The following SLIT3 variants were observed in gnomAD, a reference collection of about 807,000 sequenced individuals.
The protein encoded by SLIT3 is slit guidance ligand 3.
Under a neutral mutation model 184.0 loss-of-function variants are expected in SLIT3, and 68 were observed. The observed-to-expected ratio is 0.37, with a 90% confidence interval of 0.30 to 0.45. The LOEUF (loss-of-function observed/expected upper bound fraction) is 0.45, where lower values mean the gene tolerates loss of function less well. Ranked by LOEUF, SLIT3 falls within the 20% of genes least tolerant of loss-of-function variation. The probability of loss-of-function intolerance (pLI) is 1.00; values close to 1 mark genes in which losing one functional copy is unlikely to be tolerated. For missense variants in SLIT3, 1,707 were observed against 2,026.0 expected, an observed-to-expected ratio of 0.84 and a Z score of 3.02; for synonymous variants, 831 against 828.6, an observed-to-expected ratio of 1.00 and a Z score of -0.05.
At position 168,672,305 on chromosome 5, in the gene SLIT3, T is replaced by G. The variant is rs373823247; in HGVS notation, c.3842-822A>C. On this transcript the variant is annotated intron_variant, in intron 33 of 35. Transcript: ENST00000519560. Reference sequence around the variant, plus strand: ...TCTGAACCACCCATTAACAACACCCTCTTCTGGGCCCGTGCTAGTCTCTGC... The same window carrying G: ...TCTGAACCACCCATTAACAACACCCGCTTCTGGGCCCGTGCTAGTCTCTGC... 2.6e-5 allele frequency among the ~76,000 whole-genome samples: 4 copies of G among 152,056 alleles called. No individual in the cohort carries two copies. In the South Asian group the frequency reaches 6.2e-4, roughly 24 times the overall value.
intron 4 of SLIT3, among the ~76,000 whole-genome samples, chr5:168,994,505 C>T (rs376000361): frequency 1.3e-5 from 2 of 152,162 alleles, no homozygotes; most frequent in Admixed American, 6.5e-5. Flanking sequence ...GTTTTCACAC[C>T]CACATAAATC....
At chr5:168,814,825 C>T (rs1757279524) in intron 8 of SLIT3, among the ~76,000 whole-genome samples, 1 of 152,238 alleles carries the variant, frequency 6.6e-6, no homozygotes, top group African/African-American at 2.4e-5. Flanking sequence ...GTTCCACATG[C>T]ACCTGACTCA....
intron 1 of SLIT3, among the ~76,000 whole-genome samples, chr5:169,270,685 A>G (rs1347414640): frequency 6.6e-6 from 1 of 152,158 alleles, no homozygotes; most frequent in African/African-American, 2.4e-5. Flanking sequence ...CGAAAACAAG[A>G]AAGCGGCAGT....
At chr5:168,981,162 T>A (rs1465085525) in intron 4 of SLIT3, among the ~76,000 whole-genome samples, 1 of 152,238 alleles carries the variant, frequency 6.6e-6, no homozygotes, top group Non-Finnish European at 1.5e-5. Context: ...TGTCATTATG[T>A]GCGCAATGCT....
chr5:169,111,467 C>G (rs1760405985), intron 4 of SLIT3, among the ~76,000 whole-genome samples: 1 of 152,182 alleles, frequency 6.6e-6, no homozygotes, highest in South Asian at 2.1e-4. Flanking sequence ...AGACTTTACT[C>G]ATGGCTAGGC....
At chr5:169,226,871 C>T (rs930322872) in intron 3 of SLIT3, among the ~76,000 whole-genome samples, 2 of 152,154 alleles carry the variant, frequency 1.3e-5, no homozygotes, top group Non-Finnish European at 2.9e-5. Flanking sequence ...ATGTGGGACA[C>T]TGGAGGCGGG....
At chr5:169,092,141 T>G (rs1382825597) in intron 4 of SLIT3, among the ~76,000 whole-genome samples, 3 of 152,140 alleles carry the variant, frequency 2.0e-5, no homozygotes, top group Non-Finnish European at 4.4e-5. Context: ...GAGAATCGTT[T>G]AAACCCGAGA....
chr5:168,830,516 G>T lies in SLIT3; in HGVS notation c.558-7185C>A, dbSNP rs147104143. On this transcript the variant is annotated intron_variant, in intron 6 of 35. Transcript: ENST00000519560. ...CCTCTAATGAGCTAGACTAGTCAAG[G>T]ATATCGCTTTGAAGCTTGCCAAAAT... is the stretch of plus-strand genomic sequence containing the variant. Among the ~76,000 whole-genome samples the T allele has an allele frequency of 3.4e-3, 521 of 152,302 alleles. 1 individual carries two copies. Among genetic ancestry groups the T allele is most frequent in the African/African-American group, 0.012 (509 of 41,564 alleles).
chr5:169,293,798 G>GT (rs759322552), intron 1 of SLIT3, among the ~76,000 whole-genome samples: 1 of 152,124 alleles, frequency 6.6e-6, no homozygotes, highest in Admixed American at 6.5e-5. Flanking sequence ...ATCAAACATG[G>GT]TACTGACAAC....
At chr5:169,091,819 T>A (rs1026839976) in intron 4 of SLIT3, among the ~76,000 whole-genome samples, 2 of 152,192 alleles carry the variant, frequency 1.3e-5, no homozygotes, top group Non-Finnish European at 2.9e-5. Flanking sequence ...ACATATTTAG[T>A]CTGCTCACAG....
At chr5:169,179,851 C>A (rs776006647) in intron 4 of SLIT3, among the ~76,000 whole-genome samples, 1 of 152,120 alleles carries the variant, frequency 6.6e-6, no homozygotes, top group Non-Finnish European at 1.5e-5. Flanking sequence ...CTCATTTGCT[C>A]ATTTCCAGAG....
At chr5:169,239,052 C>T (rs953191600) in intron 3 of SLIT3, among the ~76,000 whole-genome samples, 1 of 152,122 alleles carries the variant, frequency 6.6e-6, no homozygotes, top group Non-Finnish European at 1.5e-5. Flanking sequence ...ACTGGGGATT[C>T]ACTGAATTAC....
intron 16 of SLIT3, among the ~76,000 whole-genome samples, chr5:168,754,593 A>G (rs138413425): frequency 1.6e-4 from 24 of 152,328 alleles, no homozygotes; most frequent in African/African-American, 5.5e-4. Context: ...GTTAACAACA[A>G]TATGTATTTC....
At position 168,726,524 on chromosome 5, in the gene SLIT3, G is replaced by GGGAGAGGT. The variant is rs1227310746; in HGVS notation, c.2271-2041_2271-2040insACCTCTCC. On this transcript the variant is annotated intron_variant, in intron 20 of 35. Transcript: ENST00000519560. ...AGGCAGGGAGGGAGAGGGAGGCAGG[G>GGGAGAGGT]AGGGAGGGAGGGAGGGGAGGGAGGG... is the stretch of plus-strand genomic sequence containing the variant. 2.8e-3 allele frequency among the ~76,000 whole-genome samples: 4 copies of GGGAGAGGT among 1,418 alleles called. 1 individual carries two copies. The highest frequency in any genetic ancestry group is 7.8e-3 in the Non-Finnish European group (3 of 384). 0.9% of individuals were successfully genotyped at this position (1,418 alleles called of 152,430 possible).
intron 4 of SLIT3, among the ~76,000 whole-genome samples, chr5:169,170,277 A>C (rs1388402982): frequency 6.6e-6 from 1 of 152,172 alleles, no homozygotes; most frequent in African/African-American, 2.4e-5. Context: ...TGTTGGTCCC[A>C]TCTACTTCTC....
intron 4 of SLIT3, among the ~76,000 whole-genome samples, chr5:169,013,729 T>C (rs1756253445): frequency 6.6e-6 from 1 of 152,194 alleles, no homozygotes; most frequent in African/African-American, 2.4e-5. Flanking sequence ...CAAATGTATT[T>C]TGAGCAGGCC....
At position 169,051,201 on chromosome 5, in the gene SLIT3, C is replaced by T. The variant is rs552968710; in HGVS notation, c.413+142278G>A. Among the ~76,000 whole-genome samples the T allele has an allele frequency of 5.3e-5, 8 of 151,584 alleles. No homozygotes were observed. In the East Asian group the frequency reaches 5.8e-4, roughly 11 times the overall value. ...CATTCAAGGGATCAATTTAGATTCA[C>T]GAAAAATAGGAAGGAAAGTGAAAGC... On this transcript the variant is annotated intron_variant, in intron 4 of 35. Coordinates refer to ENST00000519560, the MANE Select transcript of SLIT3 (RefSeq NM_003062.4).
intron 4 of SLIT3, among the ~76,000 whole-genome samples, chr5:168,930,288 T>G (rs187905070): frequency 6.6e-6 from 1 of 152,328 alleles, no homozygotes; most frequent in African/African-American, 2.4e-5. Context: ...AGGAGGGCTA[T>G]CAGTGAGGAG....
intron 4 of SLIT3, among the ~76,000 whole-genome samples, chr5:169,027,462 T>G (rs1026391355): frequency 5.9e-5 from 9 of 152,212 alleles, no homozygotes; most frequent in Admixed American, 5.2e-4. Flanking sequence ...CCCACACTTC[T>G]CCAGCACAAT....
Sources: allele counts gnomAD v4.1 joint callset (sites outside exome capture counted in the v4.1 genomes callset), GRCh38; gene constraint gnomAD v4.1.1; transcripts MANE v1.5; gene names NCBI Gene and HGNC (gene_info 2026-07-23, HGNC 2026-07-21).